The following MICAL1 variants were observed in gnomAD, a reference collection of about 807,000 sequenced individuals.
The protein encoded by MICAL1 is microtubule associated monooxygenase, calponin and LIM domain containing 1, also known as [F-actin]-monooxygenase MICAL1.
MICAL1 carries 95 observed loss-of-function variants against 131.8 expected under a neutral mutation model. The ratio of observed to expected loss-of-function variants is 0.72; its 90% CI spans 0.61 to 0.86. MICAL1 has a LOEUF of 0.86. MICAL1 is among the 40% of genes least tolerant of loss of function. The probability of loss-of-function intolerance (pLI) is 0.00; values close to 1 mark genes in which losing one functional copy is unlikely to be tolerated. For missense variants in MICAL1, 1,292 were observed against 1,380.6 expected, an observed-to-expected ratio of 0.94 and a Z score of 1.02; for synonymous variants, 546 against 554.2, an observed-to-expected ratio of 0.99 and a Z score of 0.21.
upstream of MICAL1, among the ~76,000 whole-genome samples, chr6:109,457,549 AG>A: frequency 6.8e-6 from 1 of 147,854 alleles, no homozygotes; most frequent in South Asian, 2.1e-4. Flanking sequence ...AGACCATAAG[AG>A]ATCCAGAGAC....
rs1434668108 is a variant in MICAL1 at position 109,452,536 on chromosome 6, A to C, written c.651T>G (p.Ala217=). ...ANYEFDVLIS[A]AGGKFVPEGF... ...CTTCAGGGACGAATTTACCTCCTGC[A>C]GCCGAGATAAGGACGTCAAATTCAT... Residue 217 remains alanine (A), a synonymous_variant, in exon 5 of 25, where the codon GCT becomes GCG. Transcript: ENST00000358807. 1.9e-6 allele frequency: 3 copies of C among 1,614,106 alleles called. No homozygotes were observed. The highest frequency in any genetic ancestry group is 2.5e-6 in the Non-Finnish European group (3 of 1,180,010).
At chr6:109,451,226 T>C (rs1489081002) in intron 7 of MICAL1, among the ~76,000 whole-genome samples, 1 of 151,024 alleles carries the variant, frequency 6.6e-6, no homozygotes, top group East Asian at 1.9e-4. Context: ...CAATCTTGGC[T>C]CACTGCAACT....
At chr6:109,451,920 G>A in intron 6 of MICAL1, 1 of 1,387,666 alleles carries the variant, frequency 7.2e-7, no homozygotes, top group Non-Finnish European at 9.3e-7. Context: ...TTGGAGGGGG[G>A]TGGCATTTGG....
intron 1 of MICAL1, among the ~76,000 whole-genome samples, chr6:109,454,524 G>A (rs1775670945): frequency 6.6e-6 from 1 of 152,182 alleles, no homozygotes; most frequent in African/African-American, 2.4e-5. Flanking sequence ...CCTGTCCAGG[G>A]ATCTCCAAGC....
At position 109,445,082 on chromosome 6, in the gene MICAL1, G is replaced by A. The variant is rs549594830; in HGVS notation, c.2882-87C>T. 2.7e-5 allele frequency: 43 copies of A among 1,566,354 alleles called. No individual in the cohort carries two copies. The African/African-American group carries it at 3.5e-4, about 13-fold the overall frequency. On this transcript the variant is annotated intron_variant, in intron 22 of 24. Coordinates refer to ENST00000358807, the MANE Select transcript of MICAL1 (RefSeq NM_022765.4). Reference sequence around the variant, plus strand: ...CAGGCTTAGGGGAGACAGGAGAGCCGGGTGTCACAGGTATGTGTTAGCTGT... The same window carrying A: ...CAGGCTTAGGGGAGACAGGAGAGCCAGGTGTCACAGGTATGTGTTAGCTGT...
intron 19 of MICAL1, 72 bp downstream of exon 19, chr6:109,446,054 TATTCCCCAGA>T: frequency 6.7e-7 from 1 of 1,495,470 alleles, no homozygotes; most frequent in Non-Finnish European, 8.9e-7. Context: ...CTTCCCTCTG[TATTCCCCAGA>T]ATTCCTCTGC....
At chr6:109,453,076 CT>C (rs1775607301) in intron 4 of MICAL1, among the ~76,000 whole-genome samples, 186 bp downstream of exon 4, 1 of 152,204 alleles carries the variant, frequency 6.6e-6, no homozygotes, top group Non-Finnish European at 1.5e-5. Flanking sequence ...AGGAGAATCA[CT>C]TGAAACTGGG....
At chr6:109,458,393 C>T (rs1292002480), upstream of MICAL1, among the ~76,000 whole-genome samples, 3 of 152,028 alleles carry the variant, frequency 2.0e-5, no homozygotes, top group Admixed American at 1.3e-4. Context: ...GTCGGGAGTT[C>T]GAGACCAGCC....
Position 109,453,987 on chromosome 6 carries a change from T to C in MICAL1, c.210A>G (p.Arg70=). 6.2e-7 allele frequency: 1 copy of C among 1,614,056 alleles called. No homozygotes were observed. Among genetic ancestry groups the C allele is most frequent in the Non-Finnish European group, 8.5e-7 (1 of 1,180,036 alleles). ...CCTGCTGGTAGACAGGCTGGCCTGC[T>C]CGCTTGTCCAGCTTGGTCCACAGTG... is the stretch of plus-strand genomic sequence containing the variant. The part of the protein sequence containing the change: ...AKSLWTKLDK[R]AGQPVYQQGR... Residue 70 remains arginine, a synonymous_variant, in exon 2 of 25, where the codon CGA becomes CGG. Coordinates refer to ENST00000358807, the MANE Select transcript of MICAL1 (RefSeq NM_022765.4).
At position 109,446,409 on chromosome 6, in the gene MICAL1, G is replaced by A. The variant is rs779550853; in HGVS notation, c.2308C>T (p.Leu770Phe). 2 of 1,107,820 alleles carry A rather than the reference G, an allele frequency of 1.8e-6. No homozygotes were observed. Among genetic ancestry groups the A allele is most frequent in the African/African-American group, 3.9e-5 (1 of 25,664 alleles). The allele number at this position is 1,107,820 out of a possible 1,614,324, so 68.6% of individuals were successfully genotyped here. Residue 770 changes from leucine to phenylalanine, a missense_variant, in exon 19 of 25, where the codon CTC becomes TTC. Physicochemically the swap from Leu to Phe is conservative, Grantham distance 22. Coordinates refer to ENST00000358807, the MANE Select transcript of MICAL1 (RefSeq NM_022765.4). The stretch of plus-strand genomic sequence containing the variant: ...ATGCTATTCTCACTTGGTGTGGGGA[G>A]CTCCTGGAAAAGCCACCATGTGGAG... ...GSDRGPESPE[L>F]PTPSENSMPP...
chr6:109,449,174 G>C (rs890786176), intron 11 of MICAL1: 4 of 681,876 alleles, frequency 5.9e-6, no homozygotes, highest in Admixed American at 2.1e-5. Context: ...TGGCTGTAAC[G>C]GTGGTTCAAA....
rs746930918 is a variant in MICAL1, at chr6:109,445,544, G to A, written c.2674-15C>T. On this transcript the variant is annotated splice_polypyrimidine_tract_variant and intron_variant, in intron 20 of 24. Transcript: ENST00000358807. ...GTCTGCAGGGCCTATAGGAGGGTCA[G>A]GCCAGTCAGGGATAGGGCCTGGGCC... 2.5e-6 allele frequency: 4 copies of A among 1,613,414 alleles called. No individual in the cohort carries two copies. Among genetic ancestry groups the A allele is most frequent in the South Asian group, 1.1e-5 (1 of 91,058 alleles).
At chr6:109,457,244 G>GTTTTCT (rs1775775414), upstream of MICAL1, among the ~76,000 whole-genome samples, 4 of 152,172 alleles carry the variant, frequency 2.6e-5, no homozygotes, top group African/African-American at 7.2e-5. Flanking sequence ...CAGAAAACTA[G>GTTTTCT]GGCAGCCTCT....
upstream of MICAL1, among the ~76,000 whole-genome samples, chr6:109,456,507 G>C (rs1775755143): frequency 6.6e-6 from 1 of 152,194 alleles, no homozygotes; most frequent in South Asian, 2.1e-4. Context: ...GAGAGGGAAG[G>C]GGATGGCGGG....
chr6:109,448,700 A>G (rs776151242), intron 12 of MICAL1, 32 bp downstream of exon 12: 5 of 1,612,794 alleles, frequency 3.1e-6, no homozygotes, highest in Non-Finnish European at 4.2e-6. Context: ...CACTGAGATC[A>G]TGAGAGAGAG....
chr6:109,448,966 G>GT, intron 11 of MICAL1, 87 bp from the exon 12 acceptor site: 2 of 1,551,160 alleles, frequency 1.3e-6, no homozygotes, highest in East Asian at 4.7e-5. Flanking sequence ...TGGGGGTTCT[G>GT]TAGGGGAGGA....
rs1334947600 is a variant in MICAL1, at chr6:109,446,722, C to T, written c.2278G>A (p.Gly760Ser). Residue 760 changes from glycine to serine, a missense_variant, in exon 18 of 25, where the codon GGC becomes AGC. Gly to Ser is a moderately conservative substitution (Grantham distance 56, BLOSUM62 0). Transcript: ENST00000358807. ...HLPQTDHKAEGSDRGPESPEL... is the reference protein window; with the variant it reads ...HLPQTDHKAESSDRGPESPEL... Reference sequence around the variant, plus strand: ...GGACTCTCAGGGCCTCTATCGCTGCCTTCCGCTTTGTGGTCTGTCTGGGGC... The same window carrying T: ...GGACTCTCAGGGCCTCTATCGCTGCTTTCCGCTTTGTGGTCTGTCTGGGGC... 1 of 1,613,898 alleles carries T rather than the reference C, an allele frequency of 6.2e-7. No individual in the cohort carries two copies. The highest frequency in any genetic ancestry group is 2.2e-5 in the East Asian group (1 of 44,864).
At chr6:109,456,133 C>CCCAGGCCG, upstream of MICAL1, 1 of 602,020 alleles carries the variant, frequency 1.7e-6, no homozygotes, top group Non-Finnish European at 2.1e-6. Context: ...CACCCTCGGC[C>CCCAGGCCG]TGGGCTCCTT....
At chr6:109,454,688 C>T (rs371507861) in intron 1 of MICAL1, 2 of 167,328 alleles carry the variant, frequency 1.2e-5, no homozygotes, top group Non-Finnish European at 2.6e-5. Context: ...ACATCCTGCC[C>T]CATCTCCCTC....
Sources: allele counts gnomAD v4.1 joint callset (sites outside exome capture counted in the v4.1 genomes callset), GRCh38; gene constraint gnomAD v4.1.1; transcripts MANE v1.5; gene names NCBI Gene and HGNC (gene_info 2026-07-23, HGNC 2026-07-21).